Variants in LPCAT1 observed in about 807,000 individuals in gnomAD.
The protein encoded by LPCAT1 is 1-acylglycerol-3-phosphate O-acyltransferase.
In LPCAT1, 23 loss-of-function variants were observed where a neutral mutation model predicts 60.9. The observed-to-expected ratio is 0.38, with a 90% CI of 0.27 to 0.53. The LOEUF (loss-of-function observed/expected upper bound fraction) is 0.53, where lower values mean the gene tolerates loss of function less well. LPCAT1 is among the 20% of genes least tolerant of loss of function. LPCAT1 has a pLI of 0.82. For missense variants in LPCAT1, 622 were observed against 723.6 expected (o/e 0.86, Z 1.61); for synonymous variants, 340 against 301.1 (o/e 1.13, Z -1.34).
At chr5:1,474,707 C>T (rs769628376) in intron 9 of LPCAT1, 22 bp from the exon 10 acceptor site, 12 of 1,606,080 alleles carry the variant, frequency 7.5e-6, no homozygotes, top group South Asian at 4.4e-5. Flanking sequence ...GCAGCACCCC[C>T]GTCAGCCCAG....
At chr5:1,507,963 G>A (rs911305503) in intron 1 of LPCAT1, among the ~76,000 whole-genome samples, 2 of 152,170 alleles carry the variant, frequency 1.3e-5, no homozygotes, top group African/African-American at 4.8e-5. Flanking sequence ...AGGAGCTGGA[G>A]GACCCTCCTG....
rs761579329 is a variant in LPCAT1 at position 1,504,317 on chromosome 5, G to A, written c.136-2714C>T. 7.2e-5 allele frequency among the ~76,000 whole-genome samples: 11 copies of A among 152,252 alleles called. No individual in the cohort carries two copies. In the South Asian group the frequency reaches 8.3e-4, roughly 11 times the overall value. On this transcript the variant is annotated intron_variant, in intron 1 of 13. Transcript: ENST00000283415. ...TTGTTGCAGTGGAGGAGAGCGCAGC[G>A]GAGGAGACCGTAGCCTCGGCCTTCA...
chr5:1,497,161 G>A (rs1341097406), intron 2 of LPCAT1, among the ~76,000 whole-genome samples: 2 of 152,246 alleles, frequency 1.3e-5, no homozygotes, highest in East Asian at 1.9e-4. Flanking sequence ...ACAGGGCGCT[G>A]AGGAGCATCA....
chr5:1,505,360 C>T (rs1736150000), intron 1 of LPCAT1, among the ~76,000 whole-genome samples: 3 of 152,176 alleles, frequency 2.0e-5, no homozygotes, highest in South Asian at 4.1e-4. Context: ...GAAACAGCAC[C>T]GACTGCAACA....
chr5:1,496,045 C>A lies in LPCAT1; in HGVS notation c.279-1131G>T, dbSNP rs944206700. ...ACACAGGTGTGCACTTCTTCACCAC[C>A]TGTTCAGCTGCATATTTAAAAATGT... On this transcript the variant is annotated intron_variant, in intron 2 of 13. Coordinates refer to ENST00000283415, the MANE Select transcript of LPCAT1 (RefSeq NM_024830.5). This position sits in a 1 kb window ranked among gnomAD's most constrained non-coding sequence, Gnocchi z 4.7. Among the ~76,000 whole-genome samples, 2 of 152,304 alleles carry A rather than the reference C, an allele frequency of 1.3e-5. No homozygotes were observed.
chr5:1,487,574 A>G lies in LPCAT1; in HGVS notation c.667+817T>C, dbSNP rs1735418418. Among the ~76,000 whole-genome samples, 2 of 152,154 alleles carry G rather than the reference A, an allele frequency of 1.3e-5. No individual in the cohort carries two copies. Among genetic ancestry groups the G allele is most frequent in the African/African-American group, 4.8e-5 (2 of 41,442 alleles). ...CACACTTTCTCGACCCAGCTCCCAT[A>G]AATGTCCAGACACTCAGGTTGTGCG... On this transcript the variant is annotated intron_variant, in intron 5 of 13. Coordinates refer to ENST00000283415, the MANE Select transcript of LPCAT1 (RefSeq NM_024830.5). The surrounding 1 kb of genome is among the most constrained non-coding windows in gnomAD (Gnocchi z 6.1).
At chr5:1,497,964 C>T (rs1735855745) in intron 2 of LPCAT1, among the ~76,000 whole-genome samples, 1 of 152,222 alleles carries the variant, frequency 6.6e-6, no homozygotes, top group African/African-American at 2.4e-5. Context: ...CAAAACGATG[C>T]TACGGTTTTT....
chr5:1,481,012 C>A lies in LPCAT1; in HGVS notation c.727-36G>T. The A allele has an allele frequency of 1.2e-6, 2 of 1,607,314 alleles. No homozygotes were observed. Among genetic ancestry groups the A allele is most frequent in the Non-Finnish European group, 8.5e-7 (1 of 1,177,884 alleles). On this transcript the variant is annotated intron_variant, in intron 6 of 13. Coordinates refer to ENST00000283415, the MANE Select transcript of LPCAT1 (RefSeq NM_024830.5). This position sits in a 1 kb window ranked among gnomAD's most constrained non-coding sequence, Gnocchi z 7.8. ...AGAGGCAGGGTCAGTCAGCATGGGG[C>A]CTGCACCCAGGGCCTGCACCAAGCA...
At chr5:1,513,224 C>T (rs1736408675) in intron 1 of LPCAT1, among the ~76,000 whole-genome samples, 1 of 152,226 alleles carries the variant, frequency 6.6e-6, no homozygotes, top group African/African-American at 2.4e-5. Context: ...GCCTCCTCAC[C>T]CGCAAAGCTC....
intron 3 of LPCAT1, among the ~76,000 whole-genome samples, chr5:1,494,345 C>A (rs986126034): frequency 5.9e-5 from 9 of 152,154 alleles, no homozygotes; most frequent in Non-Finnish European, 1.3e-4. Context: ...CAGGAAACCC[C>A]AACACAGAAA....
chr5:1,500,009 C>G (rs1362147308), intron 2 of LPCAT1, among the ~76,000 whole-genome samples: 2 of 152,272 alleles, frequency 1.3e-5, no homozygotes, highest in Non-Finnish European at 2.9e-5. Context: ...GCTTTAGGCT[C>G]TACAGCCACA....
rs985130973 is a variant in LPCAT1 at position 1,488,562 on chromosome 5, G to A, written c.607-111C>T. The stretch of plus-strand genomic sequence containing the variant: ...TTTTCTTTTCTGCTGACATAATTTG[G>A]ACACTGGGATCATATTCAGTACGTA... On this transcript the variant is annotated intron_variant, in intron 4 of 13. Coordinates refer to ENST00000283415, the MANE Select transcript of LPCAT1 (RefSeq NM_024830.5). 1.6e-5 allele frequency: 11 copies of A among 706,700 alleles called. No individual in the cohort carries two copies. The African/African-American group carries it at 2.0e-4, about 13-fold the overall frequency. 43.8% of individuals were successfully genotyped at this position (706,700 alleles called of 1,614,324 possible).
intron 9 of LPCAT1, among the ~76,000 whole-genome samples, chr5:1,475,779 TG>T (rs1317598955): frequency 9.7e-6 from 1 of 103,184 alleles, no homozygotes; most frequent in Non-Finnish European, 2.4e-5. Flanking sequence ...AGTCCGAGGC[TG>T]CTTCTCCCTC....
At position 1,483,369 on chromosome 5, in the gene LPCAT1, G is replaced by A. The variant is rs192667444; in HGVS notation, c.726+59C>T. The A allele has an allele frequency of 2.1e-5, 32 of 1,542,218 alleles. No individual in the cohort carries two copies. In the Middle Eastern group the frequency reaches 6.8e-4, roughly 33 times the overall value. ...AGACACAGGTGCACAGAGGCAGCTC[G>A]CAGTTCCCGTTTCCCGGAGAATTCC... On this transcript the variant is annotated intron_variant, in intron 6 of 13. Transcript: ENST00000283415. This position sits in a 1 kb window ranked among gnomAD's most constrained non-coding sequence, Gnocchi z 9.2.
chr5:1,477,320 CTGTTGCCTAT>C lies in LPCAT1; in HGVS notation c.899+74_899+83del. 1.8e-6 allele frequency: 2 copies of C among 1,121,470 alleles called. No homozygotes were observed. Among genetic ancestry groups the C allele is most frequent in the Non-Finnish European group, 2.6e-6 (2 of 756,780 alleles). The allele number at this position is 1,121,470 out of a possible 1,614,324, so 69.5% of individuals were successfully genotyped here. Reference sequence around the variant, plus strand: ...TCTGCAAGAATGCCTTTTCCTAACGCTGTTGCCTATTTTAAATATACAGAGAGCAGCACTC... The same window carrying C: ...TCTGCAAGAATGCCTTTTCCTAACGCTTTAAATATACAGAGAGCAGCACTC... On this transcript the variant is annotated intron_variant, in intron 9 of 13. Transcript: ENST00000283415. The surrounding 1 kb of genome is among the most constrained non-coding windows in gnomAD (Gnocchi z 6.0).
At chr5:1,518,371 G>A (rs1035939760) in intron 1 of LPCAT1, among the ~76,000 whole-genome samples, 3 of 152,148 alleles carry the variant, frequency 2.0e-5, no homozygotes, top group Admixed American at 1.3e-4. Flanking sequence ...GACGGAGTCC[G>A]GCTCTGTCGC....
intron 5 of LPCAT1, among the ~76,000 whole-genome samples, chr5:1,486,091 A>G (rs1735361249): frequency 6.6e-6 from 1 of 152,174 alleles, no homozygotes; most frequent in Admixed American, 6.5e-5. Flanking sequence ...GTACCCAGTC[A>G]GCCGATCCTG....
rs550462645 is a variant in LPCAT1 at position 1,476,875 on chromosome 5, G to C, written c.899+529C>G. ...GGGCGTGTGAGCCGACAGCACTGCC[G>C]GCCATGCAAGCAGGGGACCTGGGAC... On this transcript the variant is annotated intron_variant, in intron 9 of 13. Transcript: ENST00000283415. The surrounding 1 kb of genome is among the most constrained non-coding windows in gnomAD (Gnocchi z 8.6). Among the ~76,000 whole-genome samples, 1 of 152,084 alleles carries C rather than the reference G, an allele frequency of 6.6e-6. No individual in the cohort carries two copies. Among genetic ancestry groups the C allele is most frequent in the Admixed American group, 6.5e-5 (1 of 15,274 alleles).
Position 1,480,237 on chromosome 5 carries a change from C to T in LPCAT1, c.762-562G>A. On this transcript the variant is annotated intron_variant, in intron 7 of 13. Transcript: ENST00000283415. The surrounding 1 kb of genome is among the most constrained non-coding windows in gnomAD (Gnocchi z 6.4). The stretch of plus-strand genomic sequence containing the variant: ...CCCAGAACCCCTATACCCCCCAGAG[C>T]CCCCTCCCAGCTCTGCTCCCAGCTG... 1.4e-5 allele frequency: 10 copies of T among 705,392 alleles called. No homozygotes were observed. The highest frequency in any genetic ancestry group is 1.7e-5 in the Non-Finnish European group (10 of 574,932). The allele number at this position is 705,392 out of a possible 1,614,324, so 43.7% of individuals were successfully genotyped here.
Sources: allele counts gnomAD v4.1 joint callset (sites outside exome capture counted in the v4.1 genomes callset), GRCh38; gene constraint gnomAD v4.1.1; non-coding constraint Gnocchi (gnomAD v3.1); transcripts MANE v1.5; gene names NCBI Gene and HGNC (gene_info 2026-07-23, HGNC 2026-07-21).